Variants in CAMK4 observed in about 807,000 individuals in gnomAD.
The protein encoded by CAMK4 is calcium/calmodulin dependent protein kinase IV, also known as calcium/calmodulin-dependent protein kinase type IV.
CAMK4 carries 22 observed loss-of-function variants against 44.9 expected under a neutral mutation model. The ratio of observed to expected loss-of-function variants is 0.49; its 90% CI spans 0.35 to 0.70. CAMK4 has a LOEUF of 0.70. Ranked by LOEUF, CAMK4 falls within the 30% of genes least tolerant of loss-of-function variation. The probability of loss-of-function intolerance (pLI) is 0.01; values close to 1 mark genes in which losing one functional copy is unlikely to be tolerated. For missense variants in CAMK4, 498 were observed against 586.8 expected (o/e 0.85, Z 1.56); for synonymous variants, 218 against 215.4 (o/e 1.01, Z -0.11).
chr5:111,257,696 C>T (rs576248292), intron 1 of CAMK4, among the ~76,000 whole-genome samples: 17 of 152,272 alleles, frequency 1.1e-4, no homozygotes, highest in African/African-American at 3.4e-4. Flanking sequence ...TACATGCACA[C>T]GTATATTCAT....
intron 5 of CAMK4, among the ~76,000 whole-genome samples, chr5:111,405,465 TCAAAA>T (rs1163926039): frequency 6.6e-6 from 1 of 151,862 alleles, no homozygotes; most frequent in African/African-American, 2.4e-5. Flanking sequence ...AGACTGCGTC[TCAAAA>T]CAAAACAAAA....
intron 7 of CAMK4, among the ~76,000 whole-genome samples, chr5:111,455,766 G>A (rs1754392876): frequency 6.6e-6 from 1 of 152,178 alleles, no homozygotes; most frequent in South Asian, 2.1e-4. Context: ...TTGTGGTATT[G>A]TTGTTGTTCA....
rs142982496 is a variant in CAMK4, at chr5:111,402,159, C to A, written c.459+7377C>A. On this transcript the variant is annotated intron_variant, in intron 5 of 10. Coordinates refer to ENST00000282356, the MANE Select transcript of CAMK4 (RefSeq NM_001744.6). ...GAGCAATCCCTTCTTTCTCTTCTAGCCTGCCACTCTCTCTCCCTCATGCCC... is the reference window on the plus strand; with the variant it reads ...GAGCAATCCCTTCTTTCTCTTCTAGACTGCCACTCTCTCTCCCTCATGCCC... 4.5e-3 allele frequency among the ~76,000 whole-genome samples: 688 copies of A among 152,336 alleles called. 6 individuals are homozygous for A. Among genetic ancestry groups the A allele is most frequent in the African/African-American group, 0.016 (650 of 41,578 alleles).
chr5:111,469,266 C>T (rs964989944), intron 7 of CAMK4, among the ~76,000 whole-genome samples: 1 of 141,596 alleles, frequency 7.1e-6, no homozygotes, highest in African/African-American at 2.7e-5. Context: ...TGTTTCACCC[C>T]ATTTTTTTAT....
At chr5:111,262,187 A>G (rs1446816638) in intron 1 of CAMK4, among the ~76,000 whole-genome samples, 1 of 152,050 alleles carries the variant, frequency 6.6e-6, no homozygotes, top group Non-Finnish European at 1.5e-5. Flanking sequence ...GGGCAAAAAA[A>G]AAAAAAAAAG....
At chr5:111,327,597 A>G (rs1299565018) in intron 1 of CAMK4, among the ~76,000 whole-genome samples, 1 of 152,004 alleles carries the variant, frequency 6.6e-6, no homozygotes, top group Admixed American at 6.6e-5. Context: ...GACTTCCACA[A>G]TGGTTGAACT....
chr5:111,434,131 T>C (rs1753560108), intron 5 of CAMK4, among the ~76,000 whole-genome samples: 1 of 151,972 alleles, frequency 6.6e-6, no homozygotes, highest in African/African-American at 2.4e-5. Context: ...CCGTCTCTAC[T>C]AAAAATACAA....
intron 1 of CAMK4, among the ~76,000 whole-genome samples, chr5:111,294,797 C>T (rs921172046): frequency 1.3e-5 from 2 of 151,840 alleles, no homozygotes; most frequent in East Asian, 3.9e-4. Context: ...TTCCTCCTTT[C>T]TTGAAAAGCA....
At chr5:111,317,930 G>GAAAAAAAAAAAAAAAAAAAAAAAA (rs1748501495) in intron 1 of CAMK4, among the ~76,000 whole-genome samples, 1 of 71,668 alleles carries the variant, frequency 1.4e-5, no homozygotes, top group African/African-American at 5.0e-5. Context: ...AAAAAAAAAG[G>GAAAAAAAAAAAAAAAAAAAAAAAA]AAAACAGGAT....
At chr5:111,440,239 G>A (rs1753778169) in intron 5 of CAMK4, among the ~76,000 whole-genome samples, 1 of 152,174 alleles carries the variant, frequency 6.6e-6, no homozygotes, top group Non-Finnish European at 1.5e-5. Context: ...CAGGAGTCAG[G>A]AGGGCATGGG....
chr5:111,283,553 G>A (rs1220166724), intron 1 of CAMK4, among the ~76,000 whole-genome samples: 1 of 152,196 alleles, frequency 6.6e-6, no homozygotes, highest in Non-Finnish European at 1.5e-5. Flanking sequence ...TGGCAGTCTT[G>A]AGGCTCACAC....
rs912172615 is a variant in CAMK4 at position 111,489,597 on chromosome 5, C to T, written c.*5131C>T. 5 of 152,072 alleles carry T rather than the reference C, an allele frequency of 3.3e-5. No individual in the cohort carries two copies. The highest frequency in any genetic ancestry group is 5.9e-5 in the Non-Finnish European group (4 of 68,014). 9.4% of individuals were successfully genotyped at this position (152,072 alleles called of 1,614,324 possible). A position where few individuals can be genotyped will look rare whatever the true frequency, so the allele number is the denominator to read the frequency against. ...CCCTGTTGTCTGGTTCAGAGGTCCA[C>T]CAGGGCAAAATAGAAGCCTTGCCGA... On this transcript the variant is annotated 3_prime_UTR_variant, in exon 11 of 11. Coordinates refer to ENST00000282356, the MANE Select transcript of CAMK4 (RefSeq NM_001744.6).
intron 1 of CAMK4, among the ~76,000 whole-genome samples, chr5:111,244,725 G>T (rs1205939738): frequency 6.6e-6 from 1 of 152,092 alleles, no homozygotes; most frequent in Admixed American, 6.5e-5. Flanking sequence ...GCCGGGCATG[G>T]TGGTGCGTGC....
chr5:111,279,946 G>A (rs901192495), intron 1 of CAMK4, among the ~76,000 whole-genome samples: 6 of 152,152 alleles, frequency 3.9e-5, no homozygotes, highest in African/African-American at 9.7e-5. Flanking sequence ...TTCATTGGGC[G>A]AATTGAGGGA....
chr5:111,310,969 T>A (rs1354713083), intron 1 of CAMK4, among the ~76,000 whole-genome samples: 1 of 152,128 alleles, frequency 6.6e-6, no homozygotes, highest in South Asian at 2.1e-4. Context: ...ATATCCGTTC[T>A]AAGAACACCA....
intron 1 of CAMK4, among the ~76,000 whole-genome samples, chr5:111,260,703 T>C (rs1019804132): frequency 5.3e-5 from 8 of 152,220 alleles, no homozygotes; most frequent in African/African-American, 1.4e-4. Context: ...TAGGTTTTGT[T>C]CGTTCCTTAT....
At chr5:111,332,188 T>A (rs1215997831) in intron 1 of CAMK4, among the ~76,000 whole-genome samples, 1 of 150,620 alleles carries the variant, frequency 6.6e-6, no homozygotes, top group Non-Finnish European at 1.5e-5. Context: ...CATTAACTCG[T>A]CATTTAGCAT....
intron 2 of CAMK4, among the ~76,000 whole-genome samples, chr5:111,363,459 G>A (rs1176038397): frequency 6.6e-6 from 1 of 151,976 alleles, no homozygotes; most frequent in South Asian, 2.1e-4. Context: ...AGCATATGTA[G>A]AAAACAGACA....
chr5:111,343,811 C>T (rs1314790977), intron 1 of CAMK4, among the ~76,000 whole-genome samples: 1 of 151,576 alleles, frequency 6.6e-6, no homozygotes, highest in Admixed American at 6.6e-5. Flanking sequence ...AGGAAAAGAG[C>T]AAGCTGGAAA....
Sources: allele counts gnomAD v4.1 joint callset (sites outside exome capture counted in the v4.1 genomes callset), GRCh38; gene constraint gnomAD v4.1.1; transcripts MANE v1.5; gene names NCBI Gene and HGNC (gene_info 2026-07-23, HGNC 2026-07-21).